HTR1F: variants seen among roughly 807,000 people sequenced by gnomAD.
The protein encoded by HTR1F is 5-hydroxytryptamine receptor 1F.
Under a neutral mutation model 24.0 loss-of-function variants are expected in HTR1F, and 17 were observed. That is an observed-to-expected ratio of 0.71 (90% CI 0.48 to 1.06). HTR1F has a LOEUF of 1.06. HTR1F is among the 50% of genes least tolerant of loss of function. HTR1F has a pLI of 0.00. For synonymous variants in HTR1F, 186 were observed against 156.8 expected, an observed-to-expected ratio of 1.19 and a Z score of -1.39; for missense variants, 391 against 427.8, an observed-to-expected ratio of 0.91 and a Z score of 0.76.
chr3:87,937,080 A>G (rs1704439391), intron 2 of HTR1F, among the ~76,000 whole-genome samples: 1 of 116,790 alleles, frequency 8.6e-6, no homozygotes, highest in African/African-American at 3.6e-5. Flanking sequence ...TGTTGAAACT[A>G]CCCAAAAAAA....
chr3:87,810,346 T>C (rs1357373632), intron 1 of HTR1F, among the ~76,000 whole-genome samples: 1 of 152,136 alleles, frequency 6.6e-6, no homozygotes, highest in Admixed American at 6.6e-5. Flanking sequence ...TTGCTGTCTT[T>C]ACTATAATAA....
intron 2 of HTR1F, among the ~76,000 whole-genome samples, chr3:87,908,269 AAAG>A (rs1281504608): frequency 6.6e-6 from 1 of 152,038 alleles, no homozygotes; most frequent in African/African-American, 2.4e-5. Context: ...AAGAAAACAA[AAAG>A]AAGTAGATTG....
chr3:87,884,921 A>G (rs750027879), intron 2 of HTR1F, among the ~76,000 whole-genome samples: 1 of 152,118 alleles, frequency 6.6e-6, no homozygotes, highest in Non-Finnish European at 1.5e-5. Flanking sequence ...CCCCACTGTC[A>G]GACAGATCAA....
chr3:87,936,710 G>T (rs901881614), intron 2 of HTR1F, among the ~76,000 whole-genome samples: 1 of 152,070 alleles, frequency 6.6e-6, no homozygotes, highest in African/African-American at 2.4e-5. Flanking sequence ...AAATCACGGA[G>T]CATAAACAAC....
rs34617109 is a variant in HTR1F at position 87,931,026 on chromosome 3, CT to C, written c.-42-59662del. On this transcript the variant is annotated intron_variant, in intron 2 of 2. Transcript: ENST00000319595. Reference sequence around the variant, plus strand: ...ACAGCATACTGTGCCATAGTCTTTCCTTTTTTTTTTTTTTTTTTTTACTTTT... The same window carrying C: ...ACAGCATACTGTGCCATAGTCTTTCCTTTTTTTTTTTTTTTTTTTACTTTT... Among the ~76,000 whole-genome samples the C allele has an allele frequency of 2.0e-3, 258 of 131,818 alleles. 1 individual carries two copies. Among genetic ancestry groups the C allele is most frequent in the African/African-American group, 6.1e-3 (226 of 37,158 alleles). The allele number at this position is 131,818 out of a possible 152,430, so 86.5% of individuals were successfully genotyped here. A position where few individuals can be genotyped will look rare whatever the true frequency, so the allele number is the denominator to read the frequency against.
chr3:87,939,652 A>T (rs1480092731), intron 2 of HTR1F, among the ~76,000 whole-genome samples: 1 of 151,958 alleles, frequency 6.6e-6, no homozygotes, highest in Non-Finnish European at 1.5e-5. Context: ...TTTCTAGTTT[A>T]TTTGCATAGA....
At chr3:87,881,409 G>A (rs945421188) in intron 2 of HTR1F, among the ~76,000 whole-genome samples, 5 of 152,156 alleles carry the variant, frequency 3.3e-5, no homozygotes, top group Non-Finnish European at 5.9e-5. Flanking sequence ...GCTTGAGTAG[G>A]TAAACAAAGC....
intron 2 of HTR1F, among the ~76,000 whole-genome samples, chr3:87,963,054 T>C (rs1229168445): frequency 2.0e-5 from 3 of 152,072 alleles, no homozygotes; most frequent in Admixed American, 6.6e-5. Flanking sequence ...AAATACTGAT[T>C]TATACTCTGA....
At chr3:87,944,674 G>A (rs914651782) in intron 2 of HTR1F, among the ~76,000 whole-genome samples, 12 of 152,212 alleles carry the variant, frequency 7.9e-5, no homozygotes, top group African/African-American at 2.9e-4. Context: ...AGATTTTTGA[G>A]TTAGTAAGCT....
chr3:87,980,560 G>C (rs1373235289), intron 2 of HTR1F, among the ~76,000 whole-genome samples: 1 of 152,140 alleles, frequency 6.6e-6, no homozygotes, highest in Non-Finnish European at 1.5e-5. Flanking sequence ...CAGGCTCCAG[G>C]CTTCAGACCA....
chr3:87,967,890 C>T (rs1225525041), intron 2 of HTR1F, among the ~76,000 whole-genome samples: 1 of 150,652 alleles, frequency 6.6e-6, no homozygotes, highest in African/African-American at 2.5e-5. Flanking sequence ...TGTAAAGATA[C>T]CTGAAAATGT....
intron 2 of HTR1F, among the ~76,000 whole-genome samples, chr3:87,879,982 C>A (rs1705753045): frequency 6.6e-6 from 1 of 151,994 alleles, no homozygotes; most frequent in Non-Finnish European, 1.5e-5. Flanking sequence ...AATTTAACAT[C>A]TAAACAGTAT....
Position 87,903,744 on chromosome 3 carries a change from A to G in HTR1F, c.-43+81620A>G, listed in dbSNP as rs574323280. 5.3e-4 allele frequency among the ~76,000 whole-genome samples: 80 copies of G among 152,282 alleles called. 1 individual carries two copies. Among genetic ancestry groups the G allele is most frequent in the African/African-American group, 1.8e-3 (74 of 41,540 alleles). On this transcript the variant is annotated intron_variant, in intron 2 of 2. Coordinates refer to ENST00000319595, the MANE Select transcript of HTR1F (RefSeq NM_001322209.2). ...ATTCCTCAGGGATCTAGAACTAGAA[A>G]TACCATTTGACCGAGCCATCCCATT...
At chr3:87,797,721 C>A (rs12636145) in intron 1 of HTR1F, among the ~76,000 whole-genome samples, 8,306 of 152,134 alleles carry the variant, frequency 0.055, 307 homozygotes, top group East Asian at 0.16. Flanking sequence ...GAAATTAATA[C>A]TATGTACCAC....
chr3:87,950,051 G>A (rs1704799111), intron 2 of HTR1F, among the ~76,000 whole-genome samples: 1 of 152,124 alleles, frequency 6.6e-6, no homozygotes, highest in Non-Finnish European at 1.5e-5. Flanking sequence ...CTATGAGGAG[G>A]AACCAAACTT....
intron 2 of HTR1F, among the ~76,000 whole-genome samples, chr3:87,960,026 T>C (rs1017768624): frequency 6.6e-6 from 1 of 152,024 alleles, no homozygotes; most frequent in Non-Finnish European, 1.5e-5. Context: ...AATACTTATA[T>C]TCTCATCTTG....
Position 87,873,801 on chromosome 3 carries a change from G to A in HTR1F, c.-43+51677G>A, listed in dbSNP as rs185104744. On this transcript the variant is annotated intron_variant, in intron 2 of 2. Coordinates refer to ENST00000319595, the MANE Select transcript of HTR1F (RefSeq NM_001322209.2). ...CAAAAATCAATCAATGTGATACACC[G>A]TTAAAAGGCAAGCATGGCTCAACTT... is the stretch of plus-strand genomic sequence containing the variant. Among the ~76,000 whole-genome samples, 27 of 151,980 alleles carry A rather than the reference G, an allele frequency of 1.8e-4. No homozygotes were observed. In the South Asian group the frequency reaches 2.5e-3, roughly 14 times the overall value.
chr3:87,829,071 G>T (rs79994231), intron 2 of HTR1F, among the ~76,000 whole-genome samples: 4 of 150,316 alleles, frequency 2.7e-5, no homozygotes, highest in Non-Finnish European at 5.9e-5. Flanking sequence ...AAAAAAAAAA[G>T]ATCTGTCCTG....
chr3:87,949,161 C>A (rs1388066755), intron 2 of HTR1F, among the ~76,000 whole-genome samples: 1 of 152,112 alleles, frequency 6.6e-6, no homozygotes, highest in Non-Finnish European at 1.5e-5. Flanking sequence ...TATACACAGA[C>A]AAACACACAC....
Sources: gnomAD v4.1 joint callset for allele counts (sites outside exome capture counted in the v4.1 genomes callset) on GRCh38, gnomAD v4.1.1 for gene constraint, MANE v1.5 for transcripts, NCBI Gene and HGNC (gene_info 2026-07-23, HGNC 2026-07-21) for gene names.